GNA13: variants seen among roughly 807,000 people sequenced by gnomAD.
GNA13 encodes guanine nucleotide-binding protein subunit alpha-13.
GNA13 carries 4 observed loss-of-function variants against 33.5 expected under a neutral mutation model. The observed-to-expected ratio is 0.12, with a 90% CI of 0.06 to 0.27. The LOEUF (loss-of-function observed/expected upper bound fraction) is 0.27, where lower values mean the gene tolerates loss of function less well. GNA13 is among the 10% of genes least tolerant of loss of function. The probability of loss-of-function intolerance (pLI) is 1.00; values close to 1 mark genes in which losing one functional copy is unlikely to be tolerated. For missense variants in GNA13, 319 were observed against 487.2 expected (o/e 0.65, Z 3.25); for synonymous variants, 176 against 183.8 (o/e 0.96, Z 0.34).
At chr17:65,045,056 A>AG (rs1419833665) in intron 2 of GNA13, among the ~76,000 whole-genome samples, 1 of 151,670 alleles carries the variant, frequency 6.6e-6, no homozygotes, top group East Asian at 1.9e-4. Flanking sequence ...AAAAAAAAAA[A>AG]AAAGAAAAGA....
intron 2 of GNA13, among the ~76,000 whole-genome samples, chr17:65,030,563 A>G (rs1227386429): frequency 6.6e-6 from 1 of 152,262 alleles, no homozygotes; most frequent in African/African-American, 2.4e-5. Context: ...AGGCTATTCA[A>G]AAGTTTGTTT....
intron 2 of GNA13, among the ~76,000 whole-genome samples, chr17:65,027,651 G>C (rs185522267): frequency 6.6e-6 from 1 of 152,190 alleles, no homozygotes; most frequent in East Asian, 1.9e-4. Context: ...TGCATATAGT[G>C]TTAAATAATA....
At position 65,010,863 on chromosome 17, in the gene GNA13, G is replaced by A; in HGVS notation, c.*3394C>T. 9.6e-6 allele frequency: 2 copies of A among 208,320 alleles called. No homozygotes were observed. The highest frequency in any genetic ancestry group is 2.0e-5 in the Non-Finnish European group (2 of 102,046). 12.9% of individuals were successfully genotyped at this position (208,320 alleles called of 1,614,324 possible). On this transcript the variant is annotated 3_prime_UTR_variant, in exon 4 of 4. Transcript: ENST00000439174. The stretch of plus-strand genomic sequence containing the variant: ...ACATTGCTACAAACTGCAATGGAGA[G>A]AATCTTGTTTCAAATGGCTTAGTTT...
intron 2 of GNA13, among the ~76,000 whole-genome samples, chr17:65,042,772 A>C (rs927596513): frequency 6.6e-6 from 1 of 152,160 alleles, no homozygotes; most frequent in East Asian, 1.9e-4. Context: ...GAAAACTTCA[A>C]ATCTCTCTTC....
intron 2 of GNA13, among the ~76,000 whole-genome samples, chr17:65,050,452 C>T (rs1402454730): frequency 2.0e-5 from 3 of 152,206 alleles, no homozygotes; most frequent in South Asian, 2.1e-4. Context: ...GCTGAAGCCA[C>T]GCACAGTGGT....
chr17:65,013,202 A>G lies in GNA13; in HGVS notation c.*1055T>C, dbSNP rs1906251724. On this transcript the variant is annotated 3_prime_UTR_variant, in exon 4 of 4. Coordinates refer to ENST00000439174, the MANE Select transcript of GNA13 (RefSeq NM_006572.6). ...AATAATGCCTTCTTGAATAGTCTTG[A>G]CAGAAAAATACTGCCCTTAGCAAAC... is the stretch of plus-strand genomic sequence containing the variant. The G allele has an allele frequency of 4.9e-6, 1 of 205,486 alleles. No homozygotes were observed. Among genetic ancestry groups the G allele is most frequent in the South Asian group, 1.9e-4 (1 of 5,280 alleles). The allele number at this position is 205,486 out of a possible 1,614,324, so 12.7% of individuals were successfully genotyped here. A position where few individuals can be genotyped will look rare whatever the true frequency, so the allele number is the denominator to read the frequency against.
At position 65,014,076 on chromosome 17, in the gene GNA13, G is replaced by C; in HGVS notation, c.*181C>G. On this transcript the variant is annotated 3_prime_UTR_variant, in exon 4 of 4. Transcript: ENST00000439174. The surrounding 1 kb of genome is among the most constrained non-coding windows in gnomAD (Gnocchi z 5.3). ...GCATTACAGCAAATCTTGGCGATGAGTCACTCAACAGCTTTCAGCCACAAA... is the reference window on the plus strand; with the variant it reads ...GCATTACAGCAAATCTTGGCGATGACTCACTCAACAGCTTTCAGCCACAAA... The C allele has an allele frequency of 1.8e-6, 1 of 569,208 alleles. No individual in the cohort carries two copies. The allele number at this position is 569,208 out of a possible 1,614,324, so 35.3% of individuals were successfully genotyped here.
intron 2 of GNA13, among the ~76,000 whole-genome samples, chr17:65,034,012 CA>C (rs780895691): frequency 4.1e-3 from 205 of 50,068 alleles, no homozygotes; most frequent in African/African-American, 0.019. Flanking sequence ...GACTCCGTCT[CA>C]AAAAAAAAAA....
At position 65,056,317 on chromosome 17, in the gene GNA13, T is replaced by G. The variant is rs1489167591; in HGVS notation, c.277A>C (p.Ile93Leu). 17 of 1,598,526 alleles carry G rather than the reference T, an allele frequency of 1.1e-5. No homozygotes were observed. Among genetic ancestry groups the G allele is most frequent in the Non-Finnish European group, 1.4e-5 (17 of 1,174,284 alleles). ...CCCATTCCCGGCCCGGCACCTTTGA[T>G]CACGTTGCTGTAGATGGTGGGGCGG... is the stretch of plus-strand genomic sequence containing the variant. ...EFRPTIYSNV[I>L]KGMRVLVDAR... The change falls in exon 1 of 4, where the codon ATC (isoleucine) becomes CTC (leucine). Residue 93 changes from isoleucine to leucine, a missense_variant. This residue lies in a region of GNA13 where 136 missense variants were observed against 159.3 expected (regional missense o/e 0.85). Transcript: ENST00000439174.
intron 2 of GNA13, among the ~76,000 whole-genome samples, chr17:65,020,307 G>A (rs1906536521): frequency 6.6e-6 from 1 of 152,150 alleles, no homozygotes; most frequent in East Asian, 1.9e-4. Flanking sequence ...GGAGTGATCT[G>A]GCCAAGTCTC....
chr17:65,037,193 T>G (rs777741028), intron 2 of GNA13, among the ~76,000 whole-genome samples: 3 of 152,232 alleles, frequency 2.0e-5, no homozygotes, highest in Non-Finnish European at 4.4e-5. Flanking sequence ...TTAATACTTC[T>G]GAGACTGAAA....
chr17:65,051,073 A>AGCTTCC (rs1907842502), intron 2 of GNA13, among the ~76,000 whole-genome samples: 1 of 152,234 alleles, frequency 6.6e-6, no homozygotes, highest in East Asian at 1.9e-4. Context: ...TCCAAATTAA[A>AGCTTCC]AAACTGTCCA....
At chr17:65,029,134 G>T (rs1468142196) in intron 2 of GNA13, among the ~76,000 whole-genome samples, 1 of 152,174 alleles carries the variant, frequency 6.6e-6, no homozygotes, top group African/African-American at 2.4e-5. Flanking sequence ...CCTAAAACAG[G>T]AGAAATATAA....
chr17:65,027,004 C>A (rs1033832280), intron 2 of GNA13, among the ~76,000 whole-genome samples: 7 of 152,136 alleles, frequency 4.6e-5, no homozygotes, highest in African/African-American at 7.2e-5. Context: ...TCTCGAACTC[C>A]CGGCCTCAGG....
chr17:65,022,901 C>G (rs1906635484), intron 2 of GNA13, among the ~76,000 whole-genome samples: 1 of 152,218 alleles, frequency 6.6e-6, no homozygotes, highest in Non-Finnish European at 1.5e-5. Flanking sequence ...GTTGAGGACA[C>G]TCGGAACAAC....
intron 2 of GNA13, among the ~76,000 whole-genome samples, chr17:65,037,406 CA>C (rs1040365423): frequency 2.6e-5 from 4 of 152,150 alleles, no homozygotes; most frequent in Admixed American, 2.6e-4. Flanking sequence ...CTCACCAGGG[CA>C]CCTGCTGCCA....
chr17:65,031,613 A>G (rs969215936), intron 2 of GNA13, among the ~76,000 whole-genome samples: 3 of 152,218 alleles, frequency 2.0e-5, no homozygotes, highest in Non-Finnish European at 4.4e-5. Flanking sequence ...CCTATAATAT[A>G]CTTTTAATTT....
intron 2 of GNA13, among the ~76,000 whole-genome samples, chr17:65,043,410 C>T (rs1907535273): frequency 6.6e-6 from 1 of 152,022 alleles, no homozygotes; most frequent in African/African-American, 2.4e-5. Flanking sequence ...TTTCAGACCC[C>T]CGAGTAGCTG....
intron 2 of GNA13, among the ~76,000 whole-genome samples, chr17:65,038,436 A>G (rs1451961623): frequency 6.6e-6 from 1 of 151,646 alleles, no homozygotes; most frequent in East Asian, 1.9e-4. Context: ...TTTTAGAGAC[A>G]GGGTCTTGCT....
Sources: gnomAD v4.1 joint callset for allele counts (sites outside exome capture counted in the v4.1 genomes callset) on GRCh38, gnomAD v4.1.1 for gene constraint, gnomAD v4.1.1 regional missense constraint, Gnocchi (gnomAD v3.1) non-coding constraint, MANE v1.5 for transcripts, NCBI Gene and HGNC (gene_info 2026-07-23, HGNC 2026-07-21) for gene names.